PDE3B: variants seen among roughly 807,000 people sequenced by gnomAD.
PDE3B encodes the protein cGMP-inhibited 3',5'-cyclic phosphodiesterase 3B.
Under a neutral mutation model 116.8 loss-of-function variants are expected in PDE3B, and 66 were observed. That is an observed-to-expected ratio of 0.56 (90% confidence interval 0.46 to 0.69). The LOEUF (loss-of-function observed/expected upper bound fraction) is 0.69. Ranked by LOEUF, PDE3B falls within the 30% of genes least tolerant of loss-of-function variation. PDE3B has a pLI of 0.00. For missense variants in PDE3B, 1,384 were observed against 1,368.1 expected, an observed-to-expected ratio of 1.01 and a Z score of -0.18; for synonymous variants, 595 against 533.6, an observed-to-expected ratio of 1.12 and a Z score of -1.59.
At chr11:14,686,989 A>T (rs1260438029) in intron 1 of PDE3B, among the ~76,000 whole-genome samples, 2 of 152,314 alleles carry the variant, frequency 1.3e-5, no homozygotes, top group African/African-American at 4.8e-5. Flanking sequence ...CTGGGATTAC[A>T]GGCGTGAGCC....
intron 7 of PDE3B, among the ~76,000 whole-genome samples, chr11:14,829,866 A>T (rs1859815916): frequency 6.6e-6 from 1 of 152,136 alleles, no homozygotes; most frequent in African/African-American, 2.4e-5. Context: ...TTAAAAAAGA[A>T]ACAAAATATT....
chr11:14,877,865 T>C, the PDE3B span: 1 of 454,656 alleles, frequency 2.2e-6, no homozygotes, highest in Non-Finnish European at 3.9e-6. Flanking sequence ...ATGACCCTTC[T>C]TAGCATTTTA....
intron 1 of PDE3B, among the ~76,000 whole-genome samples, chr11:14,665,374 C>T (rs573492715): frequency 3.3e-5 from 5 of 152,194 alleles, no homozygotes; most frequent in Non-Finnish European, 5.9e-5. Flanking sequence ...GGGATGCTGT[C>T]TCTCACCACT....
chr11:14,752,587 G>A (rs997248079), intron 1 of PDE3B, among the ~76,000 whole-genome samples: 2 of 152,024 alleles, frequency 1.3e-5, no homozygotes, highest in African/African-American at 4.8e-5. Flanking sequence ...ATGGAGTCAT[G>A]GCTGTCTTTT....
In PDE3B at chr11:14,767,315, A is replaced by G. The variant is rs190813971; in HGVS notation, c.979-4622A>G. 1.7e-3 allele frequency among the ~76,000 whole-genome samples: 251 copies of G among 151,650 alleles called. 2 individuals carry two copies. The highest frequency in any genetic ancestry group is 1.5e-3 in the Non-Finnish European group (103 of 67,546). ...GTAAATGAATTACCAGTCAGAAAGA[A>G]ATCCAGCTTTTAGATAGTTGCTATT... is the stretch of plus-strand genomic sequence containing the variant. On this transcript the variant is annotated intron_variant, in intron 1 of 15. Transcript: ENST00000282096.
the PDE3B span, among the ~76,000 whole-genome samples, chr11:14,889,194 C>A: frequency 6.9e-6 from 1 of 144,498 alleles, no homozygotes; most frequent in African/African-American, 2.5e-5. Context: ...GAGCATACAT[C>A]TCAAATTTAA....
At chr11:14,846,407 G>A (rs1023178665) in intron 12 of PDE3B, among the ~76,000 whole-genome samples, 14 of 151,494 alleles carry the variant, frequency 9.2e-5, no homozygotes, top group Admixed American at 2.0e-4. Context: ...AAAGACCATC[G>A]AGGCTAGGAA....
chr11:14,835,448 T>TAA (rs1396105497), intron 11 of PDE3B, among the ~76,000 whole-genome samples: 1 of 148,754 alleles, frequency 6.7e-6, no homozygotes, highest in African/African-American at 2.5e-5. Context: ...AAAAAAAATT[T>TAA]TTTTTTTGTT....
intron 1 of PDE3B, among the ~76,000 whole-genome samples, chr11:14,750,374 A>T (rs1383941045): frequency 6.6e-6 from 1 of 152,136 alleles, no homozygotes; most frequent in South Asian, 2.1e-4. Context: ...GATTATTTCA[A>T]ATCATAAATT....
At chr11:14,810,169 TTTTA>T (rs1214435742) in intron 5 of PDE3B, among the ~76,000 whole-genome samples, 4 of 152,148 alleles carry the variant, frequency 2.6e-5, no homozygotes, top group Non-Finnish European at 5.9e-5. Flanking sequence ...TTTTTTTTTC[TTTTA>T]TTTATTATTA....
intron 1 of PDE3B, among the ~76,000 whole-genome samples, chr11:14,763,099 G>A (rs1857406235): frequency 6.6e-6 from 1 of 152,144 alleles, no homozygotes; most frequent in Non-Finnish European, 1.5e-5. Flanking sequence ...GAGGTCCAAG[G>A]GCAGTGGGGG....
intron 5 of PDE3B, among the ~76,000 whole-genome samples, chr11:14,816,977 C>T (rs1019744971): frequency 1.3e-5 from 2 of 152,154 alleles, no homozygotes; most frequent in Non-Finnish European, 2.9e-5. Flanking sequence ...GCTGTAAAGA[C>T]ACATGCACAC....
chr11:14,744,504 G>A (rs538169920), intron 1 of PDE3B, among the ~76,000 whole-genome samples: 2 of 152,188 alleles, frequency 1.3e-5, no homozygotes, highest in East Asian at 3.9e-4. Context: ...GTTTTGTACT[G>A]CCTTGATTAA....
At chr11:14,673,994 T>C in intron 1 of PDE3B, 10 of 1,388,598 alleles carry the variant, frequency 7.2e-6, no homozygotes, top group Non-Finnish European at 9.2e-6. Context: ...CCACATTTCT[T>C]CTTGGCAGGA....
intron 1 of PDE3B, among the ~76,000 whole-genome samples, chr11:14,763,692 T>C (rs1394700517): frequency 6.6e-6 from 1 of 152,108 alleles, no homozygotes; most frequent in Non-Finnish European, 1.5e-5. Context: ...GTTCATCTGT[T>C]GTGACAGAAT....
At chr11:14,725,309 C>CTCTT (rs10534250) in intron 1 of PDE3B, among the ~76,000 whole-genome samples, 3,446 of 147,386 alleles carry the variant, frequency 0.023, 136 homozygotes, top group African/African-American at 0.08. Flanking sequence ...TTCTTTCTTT[C>CTCTT]TCTTTCTTTC....
intron 1 of PDE3B, among the ~76,000 whole-genome samples, chr11:14,719,035 A>G (rs1295921389): frequency 8.7e-6 from 1 of 115,566 alleles, no homozygotes; most frequent in Admixed American, 9.7e-5. Context: ...CAAGACTAAT[A>G]AAGAAAAAAA....
At chr11:14,759,855 T>A (rs1438563937) in intron 1 of PDE3B, among the ~76,000 whole-genome samples, 1 of 152,092 alleles carries the variant, frequency 6.6e-6, no homozygotes, top group African/African-American at 2.4e-5. Flanking sequence ...CTACAGATAT[T>A]GTTTTAAGTG....
Position 14,748,483 on chromosome 11 carries a change from G to T in PDE3B, c.979-23454G>T, listed in dbSNP as rs184432912. On this transcript the variant is annotated intron_variant, in intron 1 of 15. Coordinates refer to ENST00000282096, the MANE Select transcript of PDE3B (RefSeq NM_000922.4). ...CACATAATATATTAACTTGATTTTT[G>T]TATAACAATATTCTTTTCATTTTTG... Among the ~76,000 whole-genome samples the T allele has an allele frequency of 3.7e-3, 562 of 151,844 alleles. 12 individuals are homozygous for T. The highest frequency in any genetic ancestry group is 2.5e-3 in the Non-Finnish European group (170 of 67,924).
Sources: gnomAD v4.1 joint callset for allele counts (sites outside exome capture counted in the v4.1 genomes callset) on GRCh38, gnomAD v4.1.1 for gene constraint, MANE v1.5 for transcripts, NCBI Gene and HGNC (gene_info 2026-07-23, HGNC 2026-07-21) for gene names.